The following CNTNAP2 variants were observed in gnomAD, a reference collection of about 807,000 sequenced individuals.
The protein encoded by CNTNAP2 is contactin-associated protein-like 2.
Under a neutral mutation model 155.2 loss-of-function variants are expected in CNTNAP2, and 98 were observed. The observed-to-expected ratio is 0.63, with a 90% CI of 0.54 to 0.75. The LOEUF (loss-of-function observed/expected upper bound fraction) is 0.75. Among genes scored for constraint, CNTNAP2 ranks in the 30% least tolerant of loss-of-function variants. CNTNAP2 has a pLI of 0.00. For missense variants in CNTNAP2, 1,727 were observed against 1,688.1 expected (o/e 1.02, Z -0.40); for synonymous variants, 651 against 631.2 (o/e 1.03, Z -0.47).
chr7:148,227,987 G>T (rs1361626968), intron 19 of CNTNAP2, among the ~76,000 whole-genome samples: 2 of 151,456 alleles, frequency 1.3e-5, no homozygotes, highest in African/African-American at 2.4e-5. Context: ...ATCTTTGGGT[G>T]GTGGGATTTC....
chr7:146,959,729 A>G (rs1053965189), intron 3 of CNTNAP2, among the ~76,000 whole-genome samples: 5 of 151,662 alleles, frequency 3.3e-5, no homozygotes, highest in Non-Finnish European at 7.4e-5. Flanking sequence ...AAAAAAAAAA[A>G]AAAAGAAAGA....
chr7:146,686,005 A>G (rs1800592028), intron 1 of CNTNAP2, among the ~76,000 whole-genome samples: 1 of 152,102 alleles, frequency 6.6e-6, no homozygotes, highest in African/African-American at 2.4e-5. Context: ...ATTCAGAAAA[A>G]AATATTCCAG....
At chr7:147,168,013 C>A (rs1242043719) in intron 8 of CNTNAP2, among the ~76,000 whole-genome samples, 1 of 147,956 alleles carries the variant, frequency 6.8e-6, no homozygotes, top group Non-Finnish European at 1.5e-5. Flanking sequence ...CATATATATA[C>A]ATATATGTAT....
chr7:146,602,530 G>A (rs981236431), intron 1 of CNTNAP2, among the ~76,000 whole-genome samples: 3 of 152,064 alleles, frequency 2.0e-5, no homozygotes, highest in African/African-American at 7.2e-5. Flanking sequence ...TATTTAAAAG[G>A]AAATTAATTG....
intron 13 of CNTNAP2, among the ~76,000 whole-genome samples, chr7:147,718,682 A>G (rs1011144443): frequency 3.9e-5 from 6 of 152,132 alleles, no homozygotes; most frequent in Non-Finnish European, 7.4e-5. Context: ...ATGTAAATGG[A>G]TAGAGAATGA....
At chr7:147,868,281 C>G (rs1393154052) in intron 13 of CNTNAP2, among the ~76,000 whole-genome samples, 1 of 152,178 alleles carries the variant, frequency 6.6e-6, no homozygotes, top group Non-Finnish European at 1.5e-5. Context: ...CCAGCAGAGG[C>G]TGCAAAACAG....
intron 21 of CNTNAP2, among the ~76,000 whole-genome samples, chr7:148,374,084 T>A (rs1373362982): frequency 1.3e-5 from 2 of 152,212 alleles, no homozygotes; most frequent in African/African-American, 4.8e-5. Context: ...TCCCTCTCAG[T>A]TTCTTCGTGT....
At chr7:147,057,533 A>T (rs180720263) in intron 4 of CNTNAP2, among the ~76,000 whole-genome samples, 1 of 152,142 alleles carries the variant, frequency 6.6e-6, no homozygotes, top group Admixed American at 6.5e-5. Flanking sequence ...TGGCTCTATA[A>T]TTCTTGGCTT....
chr7:148,418,076 C>T lies in CNTNAP2; in HGVS notation c.*2460C>T, dbSNP rs752017198. On this transcript the variant is annotated 3_prime_UTR_variant, in exon 24 of 24. Coordinates refer to ENST00000361727, the MANE Select transcript of CNTNAP2 (RefSeq NM_014141.6). ...TGTGGCCATCAGACAGGAAACCAAA[C>T]GGTGGATAAAGTATTAAGTAACTAA... 2 of 152,122 alleles carry T rather than the reference C, an allele frequency of 1.3e-5. No homozygotes were observed. Among genetic ancestry groups the T allele is most frequent in the South Asian group, 2.1e-4 (1 of 4,822 alleles). The allele number at this position is 152,122 out of a possible 1,614,324, so 9.4% of individuals were successfully genotyped here.
intron 20 of CNTNAP2, among the ~76,000 whole-genome samples, chr7:148,241,046 G>A (rs936757924): frequency 3.9e-5 from 6 of 152,116 alleles, no homozygotes; most frequent in Non-Finnish European, 8.8e-5. Context: ...ACACACCCAG[G>A]AACAATACTT....
chr7:146,165,271 C>T (rs1190152021), intron 1 of CNTNAP2, among the ~76,000 whole-genome samples: 1 of 151,976 alleles, frequency 6.6e-6, no homozygotes, highest in Non-Finnish European at 1.5e-5. Flanking sequence ...TTTAATTCAG[C>T]ACAACTAAAA....
In CNTNAP2 at chr7:146,911,297, T is replaced by C. The variant is rs946342841; in HGVS notation, c.402+71393T>C. On this transcript the variant is annotated intron_variant, in intron 3 of 23. Transcript: ENST00000361727. ...GAAATACCATTTGACCCAGCCATCC[T>C]ATTACTGGGTATATACCCAAAGGAC... 1.9e-3 allele frequency among the ~76,000 whole-genome samples: 283 copies of C among 152,168 alleles called. 1 individual carries two copies. Among genetic ancestry groups the C allele is most frequent in the African/African-American group, 4.7e-3 (197 of 41,496 alleles).
chr7:147,883,779 G>A (rs1038304847), intron 13 of CNTNAP2, among the ~76,000 whole-genome samples: 8 of 151,958 alleles, frequency 5.3e-5, no homozygotes, highest in Admixed American at 3.9e-4. Context: ...AATGTGTTTA[G>A]ATATGAAAAA....
intron 1 of CNTNAP2, among the ~76,000 whole-genome samples, chr7:146,364,336 G>T (rs1795125802): frequency 6.6e-6 from 1 of 152,100 alleles, no homozygotes; most frequent in Non-Finnish European, 1.5e-5. Flanking sequence ...TTGAAGCCCG[G>T]AGAACTAAGG....
intron 2 of CNTNAP2, among the ~76,000 whole-genome samples, chr7:146,798,231 T>C (rs929996426): frequency 2.6e-5 from 4 of 151,586 alleles, no homozygotes; most frequent in African/African-American, 7.3e-5. Flanking sequence ...TGAGTGGTGA[T>C]CGTGCCACTG....
intron 3 of CNTNAP2, among the ~76,000 whole-genome samples, chr7:146,937,645 C>A (rs1343157865): frequency 6.6e-6 from 1 of 152,106 alleles, no homozygotes; most frequent in Non-Finnish European, 1.5e-5. Flanking sequence ...GACACCTGCC[C>A]TGGAAACTTC....
At chr7:147,229,743 A>G (rs1397294700) in intron 8 of CNTNAP2, among the ~76,000 whole-genome samples, 1 of 152,226 alleles carries the variant, frequency 6.6e-6, no homozygotes, top group Non-Finnish European at 1.5e-5. Context: ...TTAAACTTGC[A>G]AAGGTAGATT....
rs528420921 is a variant in CNTNAP2 at position 148,022,285 on chromosome 7, C to T, written c.2383+44296C>T. ...GAGTTCGAGACCAGCCCGGGAAACG[C>T]GGTGAAACTCCGTCTCTACTAAAAA... On this transcript the variant is annotated intron_variant, in intron 15 of 23. Coordinates refer to ENST00000361727, the MANE Select transcript of CNTNAP2 (RefSeq NM_014141.6). Among the ~76,000 whole-genome samples, 438 of 151,954 alleles carry T rather than the reference C, an allele frequency of 2.9e-3. 2 individuals carry two copies. The highest frequency in any genetic ancestry group is 0.01 in the African/African-American group (420 of 41,452).
At chr7:147,793,904 A>G (rs1797855798) in intron 13 of CNTNAP2, among the ~76,000 whole-genome samples, 1 of 151,830 alleles carries the variant, frequency 6.6e-6, no homozygotes, top group African/African-American at 2.4e-5. Context: ...AGTCCTCAGT[A>G]TTTTATTATC....
Sources: allele counts gnomAD v4.1 joint callset (sites outside exome capture counted in the v4.1 genomes callset), GRCh38; gene constraint gnomAD v4.1.1; transcripts MANE v1.5; gene names NCBI Gene and HGNC (gene_info 2026-07-23, HGNC 2026-07-21).